Variants in ZNF431 observed in about 807,000 individuals in gnomAD.
ZNF431 encodes the protein zinc finger protein 431.
Under a neutral mutation model 57.0 loss-of-function variants are expected in ZNF431, and 34 were observed. The observed-to-expected ratio is 0.60, with a 90% CI of 0.45 to 0.79. ZNF431 has a LOEUF of 0.79. Among genes scored for constraint, ZNF431 ranks in the 30% least tolerant of loss-of-function variants. The pLI is 0.00. For missense variants in ZNF431, 607 were observed against 667.1 expected (o/e 0.91, Z 0.99); for synonymous variants, 207 against 220.3 (o/e 0.94, Z 0.54).
At chr19:21,159,330 G>GAT (rs148592796) in intron 2 of ZNF431, among the ~76,000 whole-genome samples, 132 of 151,020 alleles carry the variant, frequency 8.7e-4, no homozygotes, top group Middle Eastern at 3.4e-3. Flanking sequence ...ATAGAATTAT[G>GAT]ATATATATAT....
In ZNF431 at chr19:21,189,846, T is replaced by C. The variant is rs76160532; in HGVS notation, c.*5812T>C. 3.2e-3 allele frequency: 1,259 copies of C among 397,890 alleles called. 13 individuals are homozygous for C. The highest frequency in any genetic ancestry group is 0.024 in the African/African-American group (1,165 of 48,650). The allele number at this position is 397,890 out of a possible 1,614,324, so 24.6% of individuals were successfully genotyped here. On this transcript the variant is annotated 3_prime_UTR_variant, in exon 5 of 5. Transcript: ENST00000311048. Reference sequence around the variant, plus strand: ...TCATCCATGTGATTGAGAATAATAGTTTTTGTTTTTTTTTTAAGGCCAGGA... The same window carrying C: ...TCATCCATGTGATTGAGAATAATAGCTTTTGTTTTTTTTTTAAGGCCAGGA...
intron 2 of ZNF431, among the ~76,000 whole-genome samples, chr19:21,151,866 A>AT (rs1011152562): frequency 1.3e-4 from 20 of 152,224 alleles, no homozygotes; most frequent in African/African-American, 4.3e-4. Flanking sequence ...GATAAACAGT[A>AT]TTTTTTTTCA....
rs1221412367 is a variant in ZNF431 at position 21,184,893 on chromosome 19, CCTTTA to C, written c.*863_*867del. 2.6e-5 allele frequency: 4 copies of C among 152,040 alleles called. No individual in the cohort carries two copies. Among genetic ancestry groups the C allele is most frequent in the African/African-American group, 9.7e-5 (4 of 41,400 alleles). The allele number at this position is 152,040 out of a possible 1,614,324, so 9.4% of individuals were successfully genotyped here. The stretch of plus-strand genomic sequence containing the variant: ...CACAAATATAAAAAGGGTTGTAGTG[CCTTTA>C]CTTGTATCACAGATCTTTTTGTAGA... On this transcript the variant is annotated 3_prime_UTR_variant, in exon 5 of 5. Coordinates refer to ENST00000311048, the MANE Select transcript of ZNF431 (RefSeq NM_133473.4).
intron 2 of ZNF431, chr19:21,150,455 A>G (rs1970239474): frequency 4.4e-6 from 1 of 226,206 alleles, no homozygotes; most frequent in South Asian, 6.5e-5. Flanking sequence ...TCGGGGGAGG[A>G]GAGCTTCTTT....
At chr19:21,179,584 G>A (rs529803748) in intron 4 of ZNF431, among the ~76,000 whole-genome samples, 206 of 144,972 alleles carry the variant, frequency 1.4e-3, no homozygotes, top group Non-Finnish European at 2.4e-3. Context: ...TTTTTGAGAC[G>A]GAGTCTCGCT....
chr19:21,165,651 C>G (rs1016822668), intron 2 of ZNF431, among the ~76,000 whole-genome samples: 1 of 151,950 alleles, frequency 6.6e-6, no homozygotes, highest in African/African-American at 2.4e-5. Flanking sequence ...TATCTTTATA[C>G]AGCTAATGTG....
rs1400515675 is a variant in ZNF431, at chr19:21,183,334, A to G, written c.1031A>G (p.Tyr344Cys). The change falls in exon 5 of 5, where the codon TAC becomes TGC. Residue 344 changes from tyrosine (Y) to cysteine (C), a missense_variant. By Grantham distance (194) the Tyr-to-Cys change is radical. Transcript: ENST00000311048. ...HKFIHAGEKPYKCEECDKAFN... is the reference protein window; with the variant it reads ...HKFIHAGEKPCKCEECDKAFN... ...TTCATTCATGCTGGAGAGAAACCCT[A>G]CAAATGTGAGGAATGTGACAAAGCT... The G allele has an allele frequency of 3.7e-6, 6 of 1,613,928 alleles. No individual in the cohort carries two copies. Among genetic ancestry groups the G allele is most frequent in the Non-Finnish European group, 5.1e-6 (6 of 1,179,904 alleles).
At chr19:21,166,594 G>A in intron 3 of ZNF431, 133 bp downstream of exon 3, 1 of 1,103,740 alleles carries the variant, frequency 9.1e-7, no homozygotes, top group Non-Finnish European at 1.3e-6. Context: ...AAATCTTGAT[G>A]ATTTGTCCGT....
In ZNF431 at chr19:21,192,552, TA is replaced by T. The variant is rs1356415998; in HGVS notation, c.*8520del. The T allele has an allele frequency of 6.6e-6, 1 of 151,620 alleles. No individual in the cohort carries two copies. The highest frequency in any genetic ancestry group is 2.4e-5 in the African/African-American group (1 of 41,086). 9.4% of individuals were successfully genotyped at this position (151,620 alleles called of 1,614,324 possible). The stretch of plus-strand genomic sequence containing the variant: ...GGGATAAAAGAAAATTATACAGGAA[TA>T]ATTCCTTTTCCTCAATTTGGATGCC... On this transcript the variant is annotated 3_prime_UTR_variant, in exon 5 of 5. Coordinates refer to ENST00000311048, the MANE Select transcript of ZNF431 (RefSeq NM_133473.4).
intron 2 of ZNF431, among the ~76,000 whole-genome samples, chr19:21,158,491 C>T (rs1350231296): frequency 1.3e-5 from 2 of 152,310 alleles, no homozygotes; most frequent in Middle Eastern, 3.4e-3. Flanking sequence ...GCTACTGGGC[C>T]TGGCCATCTC....
At chr19:21,163,694 A>C (rs1970641621) in intron 2 of ZNF431, among the ~76,000 whole-genome samples, 1 of 151,610 alleles carries the variant, frequency 6.6e-6, no homozygotes, top group Non-Finnish European at 1.5e-5. Flanking sequence ...CTAATTTTTT[A>C]TTTTTAGTAG....
At chr19:21,168,369 G>A (rs1030995301) in intron 4 of ZNF431, among the ~76,000 whole-genome samples, 3 of 151,380 alleles carry the variant, frequency 2.0e-5, no homozygotes, top group African/African-American at 7.3e-5. Context: ...TCCAAGACAT[G>A]AATTTTTTTT....
chr19:21,145,658 C>G (rs769560582), intron 2 of ZNF431, among the ~76,000 whole-genome samples: 1 of 152,052 alleles, frequency 6.6e-6, no homozygotes, highest in African/African-American at 2.4e-5. Context: ...CTGAGAGGAT[C>G]TTACTGATGA....
chr19:21,145,433 C>T (rs189537957), intron 2 of ZNF431, among the ~76,000 whole-genome samples: 31 of 152,262 alleles, frequency 2.0e-4, no homozygotes, highest in African/African-American at 6.0e-4. Flanking sequence ...GCCAAGATCG[C>T]GCCACTGCAC....
chr19:21,153,826 C>T (rs985348005), intron 2 of ZNF431, among the ~76,000 whole-genome samples: 1 of 152,136 alleles, frequency 6.6e-6, no homozygotes, highest in Non-Finnish European at 1.5e-5. Context: ...AAGCGATTCT[C>T]CTGCCTCAGC....
At position 21,174,560 on chromosome 19, in the gene ZNF431, T is replaced by C. The variant is rs140633072; in HGVS notation, c.319+6894T>C. 6.8e-3 allele frequency among the ~76,000 whole-genome samples: 1,041 copies of C among 152,272 alleles called. 10 individuals are homozygous for C. Among genetic ancestry groups the C allele is most frequent in the South Asian group, 0.012 (56 of 4,830 alleles). On this transcript the variant is annotated intron_variant, in intron 4 of 4. Coordinates refer to ENST00000311048, the MANE Select transcript of ZNF431 (RefSeq NM_133473.4). ...TGCTGTTATATACAAGCATATTATA[T>C]ACAATATAATTATTACCACCTCACC...
chr19:21,146,409 GAAAAA>G (rs59050670), intron 2 of ZNF431, among the ~76,000 whole-genome samples: 58 of 108,752 alleles, frequency 5.3e-4, no homozygotes, highest in African/African-American at 1.7e-3. Flanking sequence ...CACTCTGTCT[GAAAAA>G]AAAAAAAAAA....
rs552681881 is a variant in ZNF431, at chr19:21,175,008, T to C, written c.319+7342T>C. On this transcript the variant is annotated intron_variant, in intron 4 of 4. Transcript: ENST00000311048. ...ATCTGACCTCGTGATCTGCCCGCCT[T>C]GGCCTCCCAAAGTGCTGGGATTACA... 5.9e-5 allele frequency among the ~76,000 whole-genome samples: 9 copies of C among 152,218 alleles called. No individual in the cohort carries two copies. The South Asian group carries it at 1.9e-3, about 32-fold the overall frequency.
rs559830635 is a variant in ZNF431 at position 21,154,130 on chromosome 19, G to A, written c.96+10487G>A. 5.3e-5 allele frequency among the ~76,000 whole-genome samples: 8 copies of A among 152,084 alleles called. No homozygotes were observed. In the East Asian group the frequency reaches 9.7e-4, roughly 18 times the overall value. On this transcript the variant is annotated intron_variant, in intron 2 of 4. Transcript: ENST00000311048. Reference sequence around the variant, plus strand: ...GTTGGTGTGCTGCACCCATTAACTCGTCATTTAACATTAGGTATATCTCCT... The same window carrying A: ...GTTGGTGTGCTGCACCCATTAACTCATCATTTAACATTAGGTATATCTCCT...
Sources: gnomAD v4.1 joint callset for allele counts (sites outside exome capture counted in the v4.1 genomes callset) on GRCh38, gnomAD v4.1.1 for gene constraint, MANE v1.5 for transcripts, NCBI Gene and HGNC (gene_info 2026-07-23, HGNC 2026-07-21) for gene names.